The following ARHGAP24 variants were observed in gnomAD, a reference collection of about 807,000 sequenced individuals.
ARHGAP24 encodes rho GTPase-activating protein 24.
ARHGAP24 carries 50 observed loss-of-function variants against 76.4 expected under a neutral mutation model. That is an observed-to-expected ratio of 0.65 (90% confidence interval 0.52 to 0.83). The LOEUF is 0.83. ARHGAP24 is among the 40% of genes least tolerant of loss of function. The pLI is 0.00. For missense variants in ARHGAP24, 930 were observed against 914.2 expected (o/e 1.02, Z -0.22); for synonymous variants, 345 against 323.3 (o/e 1.07, Z -0.72).
chr4:85,769,581 G>A (rs186194191), intron 3 of ARHGAP24, among the ~76,000 whole-genome samples: 6 of 151,640 alleles, frequency 4.0e-5, no homozygotes, highest in African/African-American at 1.5e-4. Context: ...TTGATATCTC[G>A]ATGGATACAC....
chr4:85,991,451 CAG>C (rs1295709128), intron 8 of ARHGAP24: 1 of 152,132 alleles, frequency 6.6e-6, no homozygotes, highest in Admixed American at 6.6e-5. Context: ...AAACTGGAAA[CAG>C]ACCAATTCTC....
In ARHGAP24 at chr4:85,504,457, CT is replaced by C. The variant is rs571515635; in HGVS notation, c.-21+28902del. 5.9e-5 allele frequency among the ~76,000 whole-genome samples: 9 copies of C among 152,304 alleles called. No homozygotes were observed. The East Asian group carries it at 1.5e-3, about 26-fold the overall frequency. ...GTTAGCTCTTCTTGTTGAATTGATC[CT>C]TTTACCGTTATGTAATGGCCTTCTT... On this transcript the variant is annotated intron_variant, in intron 1 of 9. Transcript: ENST00000395184.
intron 8 of ARHGAP24, among the ~76,000 whole-genome samples, chr4:85,981,029 G>A (rs531848623): frequency 1.3e-5 from 2 of 152,114 alleles, no homozygotes; most frequent in Non-Finnish European, 2.9e-5. Context: ...TTAAATATAC[G>A]ACCTTGAGAA....
intron 2 of ARHGAP24, among the ~76,000 whole-genome samples, chr4:85,641,086 C>T (rs1211922073): frequency 6.6e-6 from 1 of 151,850 alleles, no homozygotes; most frequent in Non-Finnish European, 1.5e-5. Context: ...TAATAACTTG[C>T]TCTGGAGGAA....
intron 1 of ARHGAP24, among the ~76,000 whole-genome samples, chr4:85,526,013 C>T (rs1407949297): frequency 6.6e-6 from 1 of 152,080 alleles, no homozygotes; most frequent in African/African-American, 2.4e-5. Context: ...TTCCATTTCC[C>T]TCCTTTGAAA....
chr4:85,945,895 C>CTGT (rs1411007934), intron 5 of ARHGAP24, among the ~76,000 whole-genome samples: 1 of 151,724 alleles, frequency 6.6e-6, no homozygotes, highest in Non-Finnish European at 1.5e-5. Flanking sequence ...CTGTATTGGT[C>CTGT]TGTTTTCATG....
intron 2 of ARHGAP24, among the ~76,000 whole-genome samples, chr4:85,663,837 A>G (rs562411410): frequency 0.022 from 3,380 of 151,458 alleles, 112 homozygotes; most frequent in African/African-American, 0.077. Context: ...ATTTGTGTAT[A>G]TTGAACCAGC....
chr4:85,964,956 TAAACTAGCATTG>T (rs1738490381), intron 5 of ARHGAP24, among the ~76,000 whole-genome samples: 2 of 152,104 alleles, frequency 1.3e-5, no homozygotes, highest in African/African-American at 4.8e-5. Context: ...TTGTACATGA[TAAACTAGCATTG>T]AAAGGGAGGA....
At chr4:85,630,854 G>A (rs1721134990) in intron 2 of ARHGAP24, among the ~76,000 whole-genome samples, 1 of 151,680 alleles carries the variant, frequency 6.6e-6, no homozygotes, top group South Asian at 2.1e-4. Context: ...AAGAATGTTA[G>A]CCCTTACTTG....
intron 1 of ARHGAP24, among the ~76,000 whole-genome samples, chr4:85,563,008 T>C (rs530534151): frequency 2.0e-5 from 3 of 152,264 alleles, no homozygotes; most frequent in South Asian, 2.1e-4. Flanking sequence ...AGTAATTTAT[T>C]ATGGAATGCA....
At chr4:85,822,872 G>A (rs1431778142) in intron 3 of ARHGAP24, among the ~76,000 whole-genome samples, 1 of 152,094 alleles carries the variant, frequency 6.6e-6, no homozygotes, top group East Asian at 1.9e-4. Flanking sequence ...GAAGTCCAAA[G>A]TACACTATAT....
At chr4:85,494,751 T>C (rs1384167139) in intron 1 of ARHGAP24, among the ~76,000 whole-genome samples, 1 of 152,066 alleles carries the variant, frequency 6.6e-6, no homozygotes, top group Admixed American at 6.6e-5. Flanking sequence ...AATAGCCTTC[T>C]TTCAAGTTTC....
chr4:85,910,304 C>A (rs1218919755), intron 3 of ARHGAP24, among the ~76,000 whole-genome samples: 1 of 152,186 alleles, frequency 6.6e-6, no homozygotes, highest in Non-Finnish European at 1.5e-5. Context: ...TCTTTGCCTG[C>A]AACGTGGAGA....
chr4:85,856,471 C>CTTTTTTTTT (rs3029091), intron 3 of ARHGAP24, among the ~76,000 whole-genome samples: 1 of 128,548 alleles, frequency 7.8e-6, no homozygotes, highest in Non-Finnish European at 1.6e-5. Context: ...GGAAATTACT[C>CTTTTTTTTT]TTTTTTTTTT....
At chr4:85,737,518 C>A (rs1725647851) in intron 3 of ARHGAP24, among the ~76,000 whole-genome samples, 1 of 152,202 alleles carries the variant, frequency 6.6e-6, no homozygotes, top group African/African-American at 2.4e-5. Flanking sequence ...AGGAGCCAAG[C>A]ACAATGGCTC....
At chr4:85,753,575 G>A (rs774290481) in intron 3 of ARHGAP24, among the ~76,000 whole-genome samples, 41 of 152,306 alleles carry the variant, frequency 2.7e-4, no homozygotes, top group Non-Finnish European at 6.0e-4. Flanking sequence ...CATTTCAGTA[G>A]AGCAATTTAT....
intron 1 of ARHGAP24, among the ~76,000 whole-genome samples, chr4:85,494,020 T>C (rs1162000091): frequency 6.6e-6 from 1 of 152,204 alleles, no homozygotes; most frequent in African/African-American, 2.4e-5. Context: ...GGTGACTTCA[T>C]GTTGACCTGA....
chr4:85,549,510 G>A (rs537685562), intron 1 of ARHGAP24, among the ~76,000 whole-genome samples: 1 of 151,974 alleles, frequency 6.6e-6, no homozygotes, highest in Non-Finnish European at 1.5e-5. Flanking sequence ...TTGAGTTGTA[G>A]GAGTCATTTG....
At chr4:85,581,437 A>C (rs1013956292) in intron 2 of ARHGAP24, among the ~76,000 whole-genome samples, 6 of 152,184 alleles carry the variant, frequency 3.9e-5, no homozygotes, top group Non-Finnish European at 5.9e-5. Context: ...GTTTAGAAAT[A>C]AAATAGTGCA....
Sources: gnomAD v4.1 joint callset for allele counts (sites outside exome capture counted in the v4.1 genomes callset) on GRCh38, gnomAD v4.1.1 for gene constraint, MANE v1.5 for transcripts, NCBI Gene and HGNC (gene_info 2026-07-23, HGNC 2026-07-21) for gene names.